ADGRL4: variants seen among roughly 807,000 people sequenced by gnomAD.
ADGRL4 encodes EGF, latrophilin and seven transmembrane domain containing 1.
Under a neutral mutation model 74.8 loss-of-function variants are expected in ADGRL4, and 90 were observed. That is an observed-to-expected ratio of 1.20 (90% CI 1.02 to 1.43). The LOEUF is 1.43. ADGRL4 is among the 40% of genes most tolerant of loss of function. ADGRL4 has a pLI of 0.00. For missense variants in ADGRL4, 881 were observed against 814.3 expected (o/e 1.08, Z -1.00); for synonymous variants, 311 against 279.2 (o/e 1.11, Z -1.14).
intron 2 of ADGRL4, among the ~76,000 whole-genome samples, chr1:78,968,644 T>A (rs771930213): frequency 1.3e-5 from 2 of 152,140 alleles, no homozygotes; most frequent in Non-Finnish European, 2.9e-5. Context: ...CTACTCTTTA[T>A]AGCACCTTCT....
At chr1:78,988,364 T>C (rs1650538482) in intron 2 of ADGRL4, among the ~76,000 whole-genome samples, 1 of 151,824 alleles carries the variant, frequency 6.6e-6, no homozygotes, top group Admixed American at 6.6e-5. Flanking sequence ...TGAGATTTAG[T>C]TGCAAAAGGA....
At chr1:78,993,108 A>T (rs1340630789) in intron 2 of ADGRL4, among the ~76,000 whole-genome samples, 16 of 152,084 alleles carry the variant, frequency 1.1e-4, no homozygotes, top group Non-Finnish European at 8.8e-5. Context: ...ACGTTTTTTT[A>T]ATTTAAACCA....
At chr1:78,977,074 G>C (rs1480923133) in intron 2 of ADGRL4, among the ~76,000 whole-genome samples, 1 of 151,426 alleles carries the variant, frequency 6.6e-6, no homozygotes, top group African/African-American at 2.4e-5. Context: ...TGACTAAGTT[G>C]GGTTTATCTC....
intron 7 of ADGRL4, among the ~76,000 whole-genome samples, chr1:78,934,205 T>C (rs901789946): frequency 6.6e-6 from 1 of 151,690 alleles, no homozygotes; most frequent in African/African-American, 2.4e-5. Flanking sequence ...CAAAACAGCA[T>C]GGTACTAGTA....
intron 2 of ADGRL4, among the ~76,000 whole-genome samples, chr1:78,968,522 C>T (rs996175125): frequency 2.5e-4 from 22 of 89,162 alleles, no homozygotes; most frequent in Admixed American, 5.9e-4. Context: ...GGGGGGGAGA[C>T]GGGGGTCGGC....
At chr1:78,916,131 C>T (rs761256999) in intron 12 of ADGRL4, among the ~76,000 whole-genome samples, 2 of 151,798 alleles carry the variant, frequency 1.3e-5, no homozygotes, top group Non-Finnish European at 2.9e-5. Context: ...TCTAAATTCT[C>T]TGTATCTTAC....
chr1:78,894,068 T>A (rs1648344484), intron 12 of ADGRL4, among the ~76,000 whole-genome samples: 1 of 151,896 alleles, frequency 6.6e-6, no homozygotes, highest in African/African-American at 2.4e-5. Context: ...AAATCTATTT[T>A]ATTAATTCAA....
intron 2 of ADGRL4, among the ~76,000 whole-genome samples, chr1:78,950,348 G>A (rs1485483779): frequency 6.6e-6 from 1 of 152,076 alleles, no homozygotes. Flanking sequence ...ACGGCTTCAG[G>A]GCAAGAATCT....
intron 2 of ADGRL4, among the ~76,000 whole-genome samples, chr1:78,975,259 A>G (rs1004053530): frequency 1.2e-4 from 19 of 152,232 alleles, no homozygotes; most frequent in African/African-American, 4.6e-4. Flanking sequence ...TGAAACTCTG[A>G]TGAAGAAAGT....
intron 12 of ADGRL4, among the ~76,000 whole-genome samples, chr1:78,912,692 C>A (rs1648788524): frequency 6.6e-6 from 1 of 151,774 alleles, no homozygotes; most frequent in South Asian, 2.1e-4. Flanking sequence ...AGAACAGACT[C>A]TTTGTGGCAA....
At chr1:78,934,474 A>G (rs1649312264) in intron 7 of ADGRL4, among the ~76,000 whole-genome samples, 1 of 152,230 alleles carries the variant, frequency 6.6e-6, no homozygotes. Context: ...AGGTAATACC[A>G]TTTAGGACAT....
chr1:78,917,706 A>T lies in ADGRL4; in HGVS notation c.1683-6T>A. On this transcript the variant is annotated splice_polypyrimidine_tract_variant and splice_region_variant and intron_variant, in intron 11 of 14. Coordinates refer to ENST00000370742, the MANE Select transcript of ADGRL4 (RefSeq NM_022159.4). Reference sequence around the variant, plus strand: ...TTTCGGTGCTAAGCCAACATCTGAAAAGTAAATAAAAGATAGAATCTATAA... The same window carrying T: ...TTTCGGTGCTAAGCCAACATCTGAATAGTAAATAAAAGATAGAATCTATAA... 2 of 1,604,104 alleles carry T rather than the reference A, an allele frequency of 1.2e-6. No homozygotes were observed. Among genetic ancestry groups the T allele is most frequent in the Non-Finnish European group, 1.7e-6 (2 of 1,174,694 alleles).
intron 2 of ADGRL4, among the ~76,000 whole-genome samples, chr1:78,985,218 A>G (rs575768667): frequency 6.6e-6 from 1 of 151,796 alleles, no homozygotes; most frequent in South Asian, 2.1e-4. Context: ...CTATCTATCT[A>G]ACCTTTCTCT....
chr1:78,893,272 C>G, intron 12 of ADGRL4, 83 bp from the exon 13 acceptor site: 1 of 834,668 alleles, frequency 1.2e-6, no homozygotes, highest in South Asian at 1.6e-5. Context: ...GTAAAGATTT[C>G]AATAAGATAG....
In ADGRL4 at chr1:78,917,608, G is replaced by A; in HGVS notation, c.1749+26C>T. On this transcript the variant is annotated intron_variant, in intron 12 of 14. Coordinates refer to ENST00000370742, the MANE Select transcript of ADGRL4 (RefSeq NM_022159.4). ...CCTATGATCATCACTTTTTTGAATT[G>A]TAATAACAATTTTATATATACATAC... 2.1e-6 allele frequency: 3 copies of A among 1,435,722 alleles called. No individual in the cohort carries two copies. In the South Asian group the frequency reaches 3.8e-5, roughly 18 times the overall value. The allele number at this position is 1,435,722 out of a possible 1,614,324, so 88.9% of individuals were successfully genotyped here.
chr1:78,913,664 C>T (rs1288381561), intron 12 of ADGRL4, among the ~76,000 whole-genome samples: 1 of 151,794 alleles, frequency 6.6e-6, no homozygotes, highest in Non-Finnish European at 1.5e-5. Context: ...GGTAAAATCA[C>T]TAATGGGTAC....
chr1:78,914,796 GTCT>G (rs1648836570), intron 12 of ADGRL4, among the ~76,000 whole-genome samples: 1 of 151,756 alleles, frequency 6.6e-6, no homozygotes, highest in Non-Finnish European at 1.5e-5. Context: ...TGAGATACTG[GTCT>G]TCTACTGCTA....
At chr1:78,922,007 T>C (rs190819191) in intron 8 of ADGRL4, among the ~76,000 whole-genome samples, 2 of 152,114 alleles carry the variant, frequency 1.3e-5, no homozygotes, top group African/African-American at 4.8e-5. Context: ...TAATTTTCAT[T>C]ACAGTAAATT....
In ADGRL4 at chr1:78,993,155, A is replaced by C. The variant is rs553915547; in HGVS notation, c.172+11915T>G. Among the ~76,000 whole-genome samples the C allele has an allele frequency of 3.9e-5, 6 of 152,218 alleles. No homozygotes were observed. The South Asian group carries it at 1.2e-3, about 32-fold the overall frequency. On this transcript the variant is annotated intron_variant, in intron 2 of 14. Transcript: ENST00000370742. ...AGGATGTACACAATATTTTATTTAT[A>C]ATCTTTATATATTGGCAATACAAAA...
Sources: gnomAD v4.1 joint callset for allele counts (sites outside exome capture counted in the v4.1 genomes callset) on GRCh38, gnomAD v4.1.1 for gene constraint, MANE v1.5 for transcripts, NCBI Gene and HGNC (gene_info 2026-07-23, HGNC 2026-07-21) for gene names.